Variants in NXPH1 observed in about 807,000 individuals in gnomAD.
NXPH1 encodes neurexophilin 1.
A neutral mutation model predicts 23.7 loss-of-function variants in NXPH1; 5 were observed. That is an observed-to-expected ratio of 0.21 (90% CI 0.11 to 0.44). The LOEUF (loss-of-function observed/expected upper bound fraction) is 0.44, where lower values mean the gene tolerates loss of function less well. Ranked by LOEUF, NXPH1 falls within the 20% of genes least tolerant of loss-of-function variation. NXPH1 has a pLI of 0.99. For synonymous variants in NXPH1, 144 were observed against 122.2 expected, an observed-to-expected ratio of 1.18 and a Z score of -1.18; for missense variants, 324 against 321.6, an observed-to-expected ratio of 1.01 and a Z score of -0.06.
intron 2 of NXPH1, among the ~76,000 whole-genome samples, chr7:8,598,863 T>C (rs1583182553): frequency 6.6e-6 from 1 of 152,206 alleles, no homozygotes; most frequent in African/African-American, 2.4e-5. Flanking sequence ...TAATTGCTTC[T>C]GATCATTGTA....
intron 2 of NXPH1, among the ~76,000 whole-genome samples, chr7:8,473,539 C>T (rs1816909334): frequency 6.6e-6 from 1 of 152,022 alleles, no homozygotes; most frequent in East Asian, 1.9e-4. Flanking sequence ...GGAGGTTTTC[C>T]ATGTAACTTA....
intron 2 of NXPH1, among the ~76,000 whole-genome samples, chr7:8,668,245 T>C (rs956842122): frequency 6.9e-6 from 1 of 145,014 alleles, no homozygotes; most frequent in African/African-American, 2.5e-5. Context: ...TTGATGGTGT[T>C]ATGTCTCTTT....
At chr7:8,679,297 A>T (rs1221867447) in intron 2 of NXPH1, among the ~76,000 whole-genome samples, 3 of 152,110 alleles carry the variant, frequency 2.0e-5, no homozygotes, top group South Asian at 4.1e-4. Flanking sequence ...ATAGTTCTGT[A>T]AAGAACACGT....
intron 2 of NXPH1, among the ~76,000 whole-genome samples, chr7:8,726,415 A>G (rs1046780640): frequency 4.6e-5 from 7 of 151,108 alleles, no homozygotes; most frequent in African/African-American, 1.7e-4. Context: ...TACATGTGCC[A>G]TGCTGGTGCG....
At chr7:8,532,153 A>G (rs2128617416) in intron 2 of NXPH1, among the ~76,000 whole-genome samples, 1 of 152,280 alleles carries the variant, frequency 6.6e-6, no homozygotes, top group Middle Eastern at 3.4e-3. Flanking sequence ...TTAGTAACCA[A>G]TATGTAAAAA....
At chr7:8,651,896 G>A (rs1485626483) in intron 2 of NXPH1, among the ~76,000 whole-genome samples, 5 of 151,976 alleles carry the variant, frequency 3.3e-5, no homozygotes, top group Admixed American at 1.3e-4. Context: ...ATTAATTTTC[G>A]AGAACAAGTA....
At chr7:8,645,608 C>G (rs1035616979) in intron 2 of NXPH1, among the ~76,000 whole-genome samples, 2 of 80,792 alleles carry the variant, frequency 2.5e-5, no homozygotes, top group Non-Finnish European at 6.0e-5. Context: ...TGTATTATCT[C>G]TTTTTACTTC....
chr7:8,678,713 T>A (rs1820995248), intron 2 of NXPH1, among the ~76,000 whole-genome samples: 1 of 151,960 alleles, frequency 6.6e-6, no homozygotes, highest in Admixed American at 6.5e-5. Flanking sequence ...GCTGCTCGTG[T>A]CATTTAGGCT....
Position 8,693,933 on chromosome 7 carries a change from T to C in NXPH1, c.55-57075T>C, listed in dbSNP as rs115822409. ...ACAAATTATGTCATCACCCCACTTA[T>C]GGTTTCTATTACTTATGTAATCATC... On this transcript the variant is annotated intron_variant, in intron 2 of 2. Coordinates refer to ENST00000405863, the MANE Select transcript of NXPH1 (RefSeq NM_152745.3). 6.7e-3 allele frequency among the ~76,000 whole-genome samples: 1,021 copies of C among 152,348 alleles called. 7 individuals are homozygous for C. Among genetic ancestry groups the C allele is most frequent in the African/African-American group, 0.024 (984 of 41,582 alleles).
intron 2 of NXPH1, among the ~76,000 whole-genome samples, chr7:8,691,337 CAG>C (rs1340205669): frequency 6.6e-6 from 1 of 151,824 alleles, no homozygotes; most frequent in African/African-American, 2.4e-5. Flanking sequence ...TTTGTAGAGA[CAG>C]GGTTTCTTCA....
At chr7:8,662,077 C>T (rs4236412) in intron 2 of NXPH1, among the ~76,000 whole-genome samples, 93,893 of 151,304 alleles carry the variant, frequency 0.62, 29,884 homozygotes, top group Middle Eastern at 0.76. Context: ...CAAAAAGTTG[C>T]TCAGGAGCTT....
rs1157178186 is a variant in NXPH1, at chr7:8,694,169, G to T, written c.55-56839G>T. On this transcript the variant is annotated intron_variant, in intron 2 of 2. Transcript: ENST00000405863. ...TGGGGCAGACCAGTTACATTCTTGT[G>T]GATCATTTCCTCAAGCTGCATGTCA... Among the ~76,000 whole-genome samples, 3 of 152,102 alleles carry T rather than the reference G, an allele frequency of 2.0e-5. No individual in the cohort carries two copies. In the East Asian group the frequency reaches 5.8e-4, roughly 29 times the overall value.
chr7:8,466,623 T>C (rs1816790450), intron 2 of NXPH1, among the ~76,000 whole-genome samples: 1 of 152,130 alleles, frequency 6.6e-6, no homozygotes, highest in Non-Finnish European at 1.5e-5. Flanking sequence ...TTTTAGTATA[T>C]CATTAAGGAA....
intron 2 of NXPH1, among the ~76,000 whole-genome samples, chr7:8,618,564 A>G (rs1307533164): frequency 1.3e-5 from 2 of 152,190 alleles, no homozygotes; most frequent in African/African-American, 2.4e-5. Context: ...AAGTAGCTGT[A>G]TTGCATTATA....
At chr7:8,437,366 G>A (rs147465885) in intron 2 of NXPH1, among the ~76,000 whole-genome samples, 2 of 147,250 alleles carry the variant, frequency 1.4e-5, no homozygotes, top group East Asian at 4.3e-4. Flanking sequence ...TTGAGAGATG[G>A]GGGGAGGGAA....
chr7:8,636,189 T>C (rs988121736), intron 2 of NXPH1, among the ~76,000 whole-genome samples: 4 of 152,306 alleles, frequency 2.6e-5, no homozygotes, highest in East Asian at 1.9e-4. Context: ...TTTCACTCAA[T>C]AGCCAAACTC....
At chr7:8,663,566 C>T (rs1265668592) in intron 2 of NXPH1, among the ~76,000 whole-genome samples, 1 of 152,060 alleles carries the variant, frequency 6.6e-6, no homozygotes, top group African/African-American at 2.4e-5. Flanking sequence ...TGTTTTAAGG[C>T]TACAAAACCT....
At chr7:8,646,886 A>T (rs997391474) in intron 2 of NXPH1, among the ~76,000 whole-genome samples, 1 of 151,536 alleles carries the variant, frequency 6.6e-6, no homozygotes. Flanking sequence ...AAGGCAATAA[A>T]CTGGCAACTC....
intron 2 of NXPH1, among the ~76,000 whole-genome samples, chr7:8,494,418 C>G (rs1322751131): frequency 6.6e-6 from 1 of 151,830 alleles, no homozygotes; most frequent in East Asian, 1.9e-4. Flanking sequence ...TAGGAGTTAA[C>G]TTAGTTTTTC....
Sources: allele counts gnomAD v4.1 joint callset (sites outside exome capture counted in the v4.1 genomes callset), GRCh38; gene constraint gnomAD v4.1.1; transcripts MANE v1.5; gene names NCBI Gene and HGNC (gene_info 2026-07-23, HGNC 2026-07-21).